PHF14: variants seen among roughly 807,000 people sequenced by gnomAD.
PHF14 encodes PHD finger protein 14.
A neutral mutation model predicts 117.9 loss-of-function variants in PHF14; 55 were observed. That is an observed-to-expected ratio of 0.47 (90% CI 0.38 to 0.58). The LOEUF (loss-of-function observed/expected upper bound fraction) is 0.58. Ranked by LOEUF, PHF14 falls within the 20% of genes least tolerant of loss-of-function variation. The pLI is 0.00. For synonymous variants in PHF14, 409 were observed against 368.6 expected (o/e 1.11, Z -1.26); for missense variants, 978 against 1,122.2 (o/e 0.87, Z 1.84).
chr7:11,105,537 A>T (rs959606293), intron 16 of PHF14: 47 of 979,982 alleles, frequency 4.8e-5, no homozygotes, highest in Non-Finnish European at 5.6e-5. Flanking sequence ...TTTTTAAAAA[A>T]ATTTAAAAAT....
rs1789092369 is a variant in PHF14 at position 11,162,984 on chromosome 7, TG to T, written c.2773-6431del. Among the ~76,000 whole-genome samples the T allele has an allele frequency of 2.6e-5, 4 of 152,342 alleles. No homozygotes were observed. In the South Asian group the frequency reaches 8.3e-4, roughly 32 times the overall value. ...GCTCAAGAAAAGAAATAGTTATTTA[TG>T]TATTCCCATACATGAAATTAGAAAT... On this transcript the variant is annotated intron_variant, in intron 17 of 17. Coordinates refer to ENST00000634607, the MANE Select transcript of PHF14 (RefSeq NM_001007157.2).
intron 16 of PHF14, chr7:11,063,288 A>C: frequency 2.0e-6 from 2 of 984,278 alleles, no homozygotes; most frequent in Non-Finnish European, 2.4e-6. Flanking sequence ...ATTTAGGGTA[A>C]AGTAGTAAGT....
chr7:11,042,942 T>C, intron 13 of PHF14, 128 bp downstream of exon 13: 1 of 645,666 alleles, frequency 1.5e-6, no homozygotes, highest in Admixed American at 3.6e-5. Context: ...GTCATCAATA[T>C]TTATTATAGC....
chr7:11,075,111 G>A (rs1296854468), intron 16 of PHF14, among the ~76,000 whole-genome samples: 1 of 151,644 alleles, frequency 6.6e-6, no homozygotes, highest in Non-Finnish European at 1.5e-5. Context: ...CTAATTTTTT[G>A]TATTTTTAGA....
At chr7:11,027,086 G>A (rs1416037485) in intron 6 of PHF14, among the ~76,000 whole-genome samples, 2 of 152,092 alleles carry the variant, frequency 1.3e-5, no homozygotes, top group Non-Finnish European at 2.9e-5. Context: ...GTCTAAAAAG[G>A]CTGTCAGGAA....
intron 16 of PHF14, among the ~76,000 whole-genome samples, chr7:11,084,685 T>C (rs967339128): frequency 7.9e-5 from 12 of 152,162 alleles, no homozygotes; most frequent in African/African-American, 2.9e-4. Context: ...GCCAAAATTA[T>C]ATGCATATTT....
At chr7:11,054,881 A>C (rs1159921505) in intron 14 of PHF14, among the ~76,000 whole-genome samples, 1 of 152,038 alleles carries the variant, frequency 6.6e-6, no homozygotes, top group African/African-American at 2.4e-5. Flanking sequence ...TTCCTGCCAT[A>C]AATTGATCAA....
intron 16 of PHF14, among the ~76,000 whole-genome samples, chr7:11,098,154 A>G (rs986615678): frequency 2.0e-5 from 3 of 152,330 alleles, no homozygotes; most frequent in East Asian, 1.9e-4. Flanking sequence ...CACTATCTCA[A>G]TGTATTTACT....
chr7:11,069,641 CCTCCT>C (rs1363368156), intron 16 of PHF14, among the ~76,000 whole-genome samples: 4 of 132,546 alleles, frequency 3.0e-5, no homozygotes, highest in Non-Finnish European at 6.4e-5. Context: ...CTTCCCCTCC[CCTCCT>C]CTCCTCTCCC....
At position 10,975,472 on chromosome 7, in the gene PHF14, A is replaced by G. The variant is rs190166461; in HGVS notation, c.112+527A>G. 5.3e-5 allele frequency among the ~76,000 whole-genome samples: 8 copies of G among 152,334 alleles called. No homozygotes were observed. The East Asian group carries it at 1.3e-3, about 26-fold the overall frequency. ...TGGGCCTTTCAGATGTCTCTGAAGT[A>G]TAAGTCATGCATGCTTGCTCACTAT... On this transcript the variant is annotated intron_variant, in intron 2 of 17. Coordinates refer to ENST00000634607, the MANE Select transcript of PHF14 (RefSeq NM_001007157.2).
intron 16 of PHF14, chr7:11,071,383 T>G: frequency 2.3e-6 from 1 of 436,154 alleles, no homozygotes; most frequent in Non-Finnish European, 4.6e-6. Context: ...TTTTCTTGCT[T>G]AAATATCTTA....
At chr7:11,051,556 G>A in intron 13 of PHF14, 56 bp from the exon 14 acceptor site, 1 of 1,405,736 alleles carries the variant, frequency 7.1e-7, no homozygotes, top group Non-Finnish European at 9.7e-7. Context: ...AAAAACTATA[G>A]CTAAAGCCAG....
intron 2 of PHF14, among the ~76,000 whole-genome samples, chr7:10,981,832 G>A (rs1782053181): frequency 6.6e-6 from 1 of 151,942 alleles, no homozygotes; most frequent in East Asian, 1.9e-4. Flanking sequence ...TATTAGAGTT[G>A]TAGTATAAGT....
At chr7:11,050,412 G>A (rs1487988569) in intron 13 of PHF14, among the ~76,000 whole-genome samples, 1 of 152,124 alleles carries the variant, frequency 6.6e-6, no homozygotes, top group African/African-American at 2.4e-5. Context: ...GAAAATATGA[G>A]TAAAAATTTA....
intron 16 of PHF14, among the ~76,000 whole-genome samples, chr7:11,070,211 G>A (rs1481797347): frequency 6.6e-6 from 1 of 151,134 alleles, no homozygotes; most frequent in African/African-American, 2.4e-5. Context: ...CTTAGTAGCT[G>A]TGACTACAAG....
At chr7:10,996,701 C>G (rs905374397) in intron 4 of PHF14, among the ~76,000 whole-genome samples, 1 of 152,092 alleles carries the variant, frequency 6.6e-6, no homozygotes, top group African/African-American at 2.4e-5. Flanking sequence ...CTCATTTAGG[C>G]TGGGGTTTAA....
intron 2 of PHF14, among the ~76,000 whole-genome samples, chr7:10,978,562 A>G (rs1339764389): frequency 1.3e-5 from 2 of 152,184 alleles, no homozygotes; most frequent in Non-Finnish European, 2.9e-5. Flanking sequence ...GGAAAAATAG[A>G]ATAAGGTCAA....
intron 16 of PHF14, among the ~76,000 whole-genome samples, chr7:11,076,390 A>G (rs996894118): frequency 2.6e-5 from 4 of 152,106 alleles, no homozygotes; most frequent in African/African-American, 9.7e-5. Context: ...TATAACCTCT[A>G]TTCTTATAAG....
chr7:11,065,568 A>C (rs2128330970), intron 16 of PHF14, among the ~76,000 whole-genome samples: 1 of 152,280 alleles, frequency 6.6e-6, no homozygotes, highest in Middle Eastern at 3.4e-3. Context: ...GGGCTTGATA[A>C]AGGACAATTG....
Sources: allele counts gnomAD v4.1 joint callset (sites outside exome capture counted in the v4.1 genomes callset), GRCh38; gene constraint gnomAD v4.1.1; transcripts MANE v1.5; gene names NCBI Gene and HGNC (gene_info 2026-07-23, HGNC 2026-07-21).